The following GRIK2 variants were observed in gnomAD, a reference collection of about 807,000 sequenced individuals.
GRIK2 encodes glutamate ionotropic receptor kainate type subunit 2, also known as glutamate receptor ionotropic, kainate 2.
Under a neutral mutation model 100.3 loss-of-function variants are expected in GRIK2, and 32 were observed. The ratio of observed to expected loss-of-function variants is 0.32; its 90% CI spans 0.24 to 0.43. GRIK2 has a LOEUF of 0.43. GRIK2 is among the 20% of genes least tolerant of loss of function. GRIK2 has a pLI of 1.00. For synonymous variants in GRIK2, 417 were observed against 389.4 expected, an observed-to-expected ratio of 1.07 and a Z score of -0.83; for missense variants, 843 against 1,114.9, an observed-to-expected ratio of 0.76 and a Z score of 3.47.
chr6:101,710,811 A>G (rs760192823), intron 7 of GRIK2, among the ~76,000 whole-genome samples: 5 of 151,864 alleles, frequency 3.3e-5, no homozygotes, highest in Non-Finnish European at 7.4e-5. Flanking sequence ...TTTCTGTGGA[A>G]AAAGTGAGGG....
intron 10 of GRIK2, among the ~76,000 whole-genome samples, chr6:101,825,985 ACCT>A (rs1782300882): frequency 6.6e-6 from 1 of 151,874 alleles, no homozygotes; most frequent in African/African-American, 2.4e-5. Context: ...CATGCATCAA[ACCT>A]CCTTCTTTGA....
chr6:101,988,026 G>T (rs1005226398), intron 14 of GRIK2, among the ~76,000 whole-genome samples: 3 of 150,774 alleles, frequency 2.0e-5, no homozygotes, highest in Non-Finnish European at 4.4e-5. Context: ...TTCTCCTTCA[G>T]CTACTGCTTC....
chr6:101,657,844 G>A (rs1448620760), intron 4 of GRIK2, among the ~76,000 whole-genome samples: 1 of 151,974 alleles, frequency 6.6e-6, no homozygotes, highest in African/African-American at 2.4e-5. Context: ...AATAGAGAAT[G>A]CATATAGATA....
At chr6:101,689,019 G>A (rs979819875) in intron 7 of GRIK2, among the ~76,000 whole-genome samples, 3 of 151,924 alleles carry the variant, frequency 2.0e-5, no homozygotes, top group Admixed American at 1.3e-4. Flanking sequence ...GTATTAAAAT[G>A]TGGGCATATT....
At chr6:101,674,008 T>G (rs537764523) in intron 4 of GRIK2, among the ~76,000 whole-genome samples, 5 of 152,264 alleles carry the variant, frequency 3.3e-5, no homozygotes, top group Non-Finnish European at 7.4e-5. Context: ...AAATGAATAT[T>G]TTTTCTCTTT....
intron 2 of GRIK2, among the ~76,000 whole-genome samples, chr6:101,405,499 AT>A (rs1455060328): frequency 6.6e-6 from 1 of 152,230 alleles, no homozygotes; most frequent in East Asian, 1.9e-4. Flanking sequence ...GATTGTTGGT[AT>A]TTTTTCATAT....
At chr6:101,396,909 TA>T (rs541276220) in intron 1 of GRIK2, among the ~76,000 whole-genome samples, 14 of 152,300 alleles carry the variant, frequency 9.2e-5, no homozygotes, top group Middle Eastern at 3.4e-3. Context: ...CAATTAATAT[TA>T]AAAAAGTACA....
chr6:101,710,156 G>T (rs1293107588), intron 7 of GRIK2, among the ~76,000 whole-genome samples: 1 of 151,870 alleles, frequency 6.6e-6, no homozygotes, highest in Non-Finnish European at 1.5e-5. Context: ...AGAGCCCTCT[G>T]ATGTTCCTCA....
chr6:101,878,469 CA>C (rs1208935938), intron 11 of GRIK2, among the ~76,000 whole-genome samples: 3 of 151,826 alleles, frequency 2.0e-5, no homozygotes, highest in African/African-American at 7.2e-5. Context: ...GAGAAATTGC[CA>C]TTTGTATTCC....
At chr6:101,712,377 C>T (rs1466463545) in intron 7 of GRIK2, among the ~76,000 whole-genome samples, 1 of 151,790 alleles carries the variant, frequency 6.6e-6, no homozygotes, top group African/African-American at 2.4e-5. Flanking sequence ...ATTGGAGAAG[C>T]ACGATTTCAA....
At chr6:101,717,078 A>G (rs1384707225) in intron 7 of GRIK2, among the ~76,000 whole-genome samples, 2 of 151,842 alleles carry the variant, frequency 1.3e-5, no homozygotes, top group Non-Finnish European at 2.9e-5. Context: ...CTTCCATCTA[A>G]TTAAGTAGCT....
chr6:101,934,052 A>G (rs1013289115), intron 14 of GRIK2, among the ~76,000 whole-genome samples: 2 of 151,192 alleles, frequency 1.3e-5, no homozygotes, highest in African/African-American at 4.9e-5. Flanking sequence ...TGCAAAGTAC[A>G]TTCTAAATTC....
intron 12 of GRIK2, among the ~76,000 whole-genome samples, chr6:101,914,801 T>C (rs981708046): frequency 2.6e-5 from 4 of 151,788 alleles, no homozygotes; most frequent in African/African-American, 7.2e-5. Context: ...TACATTCAGT[T>C]GTGTTTATTT....
At chr6:101,897,739 A>G (rs756068754) in intron 12 of GRIK2, among the ~76,000 whole-genome samples, 18 of 151,948 alleles carry the variant, frequency 1.2e-4, no homozygotes, top group Non-Finnish European at 2.1e-4. Context: ...AGAATTGTTT[A>G]CTAGGTATTT....
At chr6:101,497,895 T>G (rs1436815055) in intron 2 of GRIK2, among the ~76,000 whole-genome samples, 1 of 151,974 alleles carries the variant, frequency 6.6e-6, no homozygotes, top group African/African-American at 2.4e-5. Flanking sequence ...ACTTTAAGTT[T>G]TAGGGAACAT....
At chr6:102,042,892 A>G (rs1268000188) in intron 15 of GRIK2, among the ~76,000 whole-genome samples, 1 of 151,714 alleles carries the variant, frequency 6.6e-6, no homozygotes, top group East Asian at 1.9e-4. Flanking sequence ...TTTAACTAAT[A>G]TATATGAAAT....
intron 10 of GRIK2, among the ~76,000 whole-genome samples, chr6:101,827,360 TA>T (rs1782398995): frequency 2.0e-5 from 3 of 152,008 alleles, no homozygotes; most frequent in South Asian, 4.1e-4. Context: ...GAATTTTGTT[TA>T]AAAAAGTAAA....
At chr6:101,457,928 T>C (rs1434226745) in intron 2 of GRIK2, among the ~76,000 whole-genome samples, 1 of 152,112 alleles carries the variant, frequency 6.6e-6, no homozygotes, top group Non-Finnish European at 1.5e-5. Flanking sequence ...CTTTCCATAA[T>C]AATTTTATTT....
rs200429033 is a variant in GRIK2 at position 101,428,971 on chromosome 6, AAAGACT to A, written c.115+29580_115+29585del. On this transcript the variant is annotated intron_variant, in intron 2 of 16. Coordinates refer to ENST00000369134, the MANE Select transcript of GRIK2 (RefSeq NM_021956.5). The stretch of plus-strand genomic sequence containing the variant: ...ACTTGCTGCATTAGAATTCTAAGAC[AAAGACT>A]TTGAAAAATTCAATGACTTTTTAAT... 9.8e-3 allele frequency among the ~76,000 whole-genome samples: 1,498 copies of A among 152,356 alleles called. 8 individuals carry two copies. The highest frequency in any genetic ancestry group is 0.012 in the Non-Finnish European group (796 of 68,042).
Sources: allele counts gnomAD v4.1 joint callset (sites outside exome capture counted in the v4.1 genomes callset), GRCh38; gene constraint gnomAD v4.1.1; transcripts MANE v1.5; gene names NCBI Gene and HGNC (gene_info 2026-07-23, HGNC 2026-07-21).